Variants in WDPCP observed in about 807,000 individuals in gnomAD.
The protein encoded by WDPCP is WD repeat-containing and planar cell polarity effector protein fritz homolog.
A neutral mutation model predicts 93.1 loss-of-function variants in WDPCP; 71 were observed. That is an observed-to-expected ratio of 0.76 (90% CI 0.63 to 0.93). WDPCP has a LOEUF of 0.93. WDPCP is among the 40% of genes least tolerant of loss of function. WDPCP has a pLI of 0.00. For missense variants in WDPCP, 844 were observed against 887.4 expected, an observed-to-expected ratio of 0.95 and a Z score of 0.62; for synonymous variants, 315 against 315.0, an observed-to-expected ratio of 1.00 and a Z score of 0.00.
chr2:63,705,134 C>T (rs1262454091), intron 2 of WDPCP, among the ~76,000 whole-genome samples: 5 of 152,204 alleles, frequency 3.3e-5, no homozygotes, highest in South Asian at 4.2e-4. Flanking sequence ...TCTGTGGGAT[C>T]GGTGGTGATA....
intron 14 of WDPCP, among the ~76,000 whole-genome samples, chr2:63,194,312 G>GA (rs202234383): frequency 0.014 from 2,117 of 150,326 alleles, 90 homozygotes; most frequent in Admixed American, 0.082. Context: ...AAGAAAGAAA[G>GA]AAAAAAAAAT....
intron 1 of WDPCP, among the ~76,000 whole-genome samples, chr2:63,510,292 A>C (rs1375436298): frequency 6.6e-6 from 1 of 152,238 alleles, no homozygotes; most frequent in Non-Finnish European, 1.5e-5. Context: ...CAAATCAATA[A>C]GCATAATTCA....
At chr2:63,351,371 C>T (rs1689600460) in intron 12 of WDPCP, among the ~76,000 whole-genome samples, 1 of 151,952 alleles carries the variant, frequency 6.6e-6, no homozygotes, top group South Asian at 2.1e-4. Flanking sequence ...TGGATCCCAT[C>T]ACCCATGTAG....
chr2:63,722,028 G>C (rs1291978686), intron 2 of WDPCP, among the ~76,000 whole-genome samples: 40 of 152,072 alleles, frequency 2.6e-4, no homozygotes, highest in Admixed American at 2.6e-3. Flanking sequence ...CGTTCACTCA[G>C]TGCTCAATGG....
intron 12 of WDPCP, among the ~76,000 whole-genome samples, chr2:63,364,042 C>T (rs1690699695): frequency 1.3e-5 from 2 of 152,056 alleles, no homozygotes; most frequent in African/African-American, 4.8e-5. Flanking sequence ...CACAGCAAGT[C>T]CCTGTCTTTA....
intron 15 of WDPCP, among the ~76,000 whole-genome samples, chr2:63,169,854 G>T (rs1673251725): frequency 6.7e-6 from 1 of 149,226 alleles, no homozygotes; most frequent in Admixed American, 6.7e-5. Context: ...TTTCATTTTT[G>T]GATAATATTA....
intron 17 of WDPCP, among the ~76,000 whole-genome samples, chr2:63,142,821 T>G (rs1255786445): frequency 1.4e-3 from 75 of 52,524 alleles, no homozygotes; most frequent in African/African-American, 5.7e-3. Context: ...GTTAGGGGTG[T>G]GTGTGTGTGT....
chr2:63,718,304 C>A (rs1669366554), intron 2 of WDPCP, among the ~76,000 whole-genome samples: 1 of 152,036 alleles, frequency 6.6e-6, no homozygotes, highest in Non-Finnish European at 1.5e-5. Flanking sequence ...AGGGGTAGTT[C>A]TATCTTTAGT....
At chr2:63,796,458 C>T (rs1251720228) in intron 2 of WDPCP, among the ~76,000 whole-genome samples, 1 of 152,244 alleles carries the variant, frequency 6.6e-6, no homozygotes, top group African/African-American at 2.4e-5. Flanking sequence ...GAAAGGGGCA[C>T]TGCAGAGTGT....
intron 9 of WDPCP, among the ~76,000 whole-genome samples, chr2:63,410,369 C>A (rs1032965766): frequency 2.6e-5 from 4 of 152,132 alleles, no homozygotes; most frequent in African/African-American, 9.7e-5. Flanking sequence ...CTAAAAGGAG[C>A]TCTAAATCTT....
At chr2:63,695,549 G>A (rs575038013) in intron 2 of WDPCP, among the ~76,000 whole-genome samples, 13 of 152,200 alleles carry the variant, frequency 8.5e-5, no homozygotes, top group Middle Eastern at 3.4e-3. Context: ...ATTTTTATTT[G>A]CTAAATCTGG....
chr2:63,338,565 AAAAAATATATATATATATATAT>A (rs1438337506), intron 12 of WDPCP, among the ~76,000 whole-genome samples: 3,373 of 40,446 alleles, frequency 0.083, 293 homozygotes, highest in African/African-American at 0.14. Flanking sequence ...AAAAAAAAAA[AAAAAATATATATATATATATAT>A]ATATATATAT....
intron 9 of WDPCP, among the ~76,000 whole-genome samples, chr2:63,412,781 C>A (rs1340086334): frequency 2.7e-5 from 4 of 146,856 alleles, no homozygotes; most frequent in Non-Finnish European, 4.5e-5. Flanking sequence ...ATAATAGCTG[C>A]AAAAAAAAAA....
At chr2:63,623,762 A>G (rs262497) in intron 3 of WDPCP, among the ~76,000 whole-genome samples, 39,667 of 151,988 alleles carry the variant, frequency 0.26, 6,071 homozygotes, top group East Asian at 0.71. Context: ...CCCACTGTCA[A>G]TATCAGACAG....
At chr2:63,214,836 A>G (rs1677175030) in intron 14 of WDPCP, among the ~76,000 whole-genome samples, 1 of 152,178 alleles carries the variant, frequency 6.6e-6, no homozygotes. Context: ...ATAACAGACA[A>G]ACAGAGAGCC....
intron 12 of WDPCP, among the ~76,000 whole-genome samples, chr2:63,352,127 T>A (rs536373488): frequency 6.6e-6 from 1 of 152,260 alleles, no homozygotes; most frequent in African/African-American, 2.4e-5. Flanking sequence ...GGTTGTTTTT[T>A]CTTGTTGATT....
chr2:63,198,468 A>C (rs1490136447), intron 14 of WDPCP, among the ~76,000 whole-genome samples: 2 of 152,136 alleles, frequency 1.3e-5, no homozygotes, highest in Non-Finnish European at 2.9e-5. Context: ...TTTTATATGC[A>C]TAATGTTAAA....
chr2:63,632,470 A>G (rs915828003), intron 3 of WDPCP, among the ~76,000 whole-genome samples: 14 of 152,226 alleles, frequency 9.2e-5, no homozygotes, highest in Admixed American at 1.3e-4. Context: ...AGACAACTCA[A>G]TGCAATCAGG....
Position 63,607,327 on chromosome 2 carries a change from C to G in WDPCP, n.488+43332G>C, listed in dbSNP as rs144829129. ...TTGAGATGGGTGGATCACCTGAGGT[C>G]CGGAGTTTGAGACCAGCCTGGGCAA... is the stretch of plus-strand genomic sequence containing the variant. On this transcript the variant is annotated intron_variant and non_coding_transcript_variant, in intron 3 of 4. Coordinates refer to the WDPCP transcript ENST00000467687. 4.3e-5 allele frequency: 7 copies of G among 161,426 alleles called. No homozygotes were observed. In the East Asian group the frequency reaches 1.1e-3, roughly 25 times the overall value. The allele number at this position is 161,426 out of a possible 1,614,324, so 10.0% of individuals were successfully genotyped here.
Sources: gnomAD v4.1 joint callset for allele counts (sites outside exome capture counted in the v4.1 genomes callset) on GRCh38, gnomAD v4.1.1 for gene constraint, MANE v1.5 for transcripts, NCBI Gene and HGNC (gene_info 2026-07-23, HGNC 2026-07-21) for gene names.